Variants in TRPM3 observed in about 807,000 individuals in gnomAD.
TRPM3 encodes long transient receptor potential channel 3.
In TRPM3, 77 loss-of-function variants were observed where a neutral mutation model predicts 181.2. The observed-to-expected ratio is 0.42, with a 90% CI of 0.35 to 0.51. The LOEUF (loss-of-function observed/expected upper bound fraction) is 0.51, where lower values mean the gene tolerates loss of function less well. TRPM3 is among the 20% of genes least tolerant of loss of function. The pLI, the probability that TRPM3 is intolerant of heterozygous loss-of-function variation, is 0.01. For synonymous variants in TRPM3, 745 were observed against 796.4 expected (o/e 0.94, Z 1.09); for missense variants, 1,759 against 2,196.7 (o/e 0.80, Z 3.98).
intron 1 of TRPM3, among the ~76,000 whole-genome samples, chr9:71,442,170 C>T (rs1342671965): frequency 6.6e-6 from 1 of 152,194 alleles, no homozygotes; most frequent in South Asian, 2.1e-4. Flanking sequence ...TGTTTCCATA[C>T]ACTCTCTCAG....
At chr9:71,218,563 T>C (rs952296513) in intron 1 of TRPM3, among the ~76,000 whole-genome samples, 1 of 152,184 alleles carries the variant, frequency 6.6e-6, no homozygotes, top group African/African-American at 2.4e-5. Context: ...TTTTCCATTA[T>C]AGACATTGCA....
chr9:71,023,479 A>T (rs1425298112), intron 1 of TRPM3, among the ~76,000 whole-genome samples: 1 of 152,214 alleles, frequency 6.6e-6, no homozygotes, highest in African/African-American at 2.4e-5. Flanking sequence ...TTGCATTACT[A>T]GGTCCTTATC....
At chr9:70,898,271 C>T (rs556472211) in intron 1 of TRPM3, among the ~76,000 whole-genome samples, 16 of 151,186 alleles carry the variant, frequency 1.1e-4, no homozygotes, top group African/African-American at 3.1e-4. Context: ...TACAGGCGCC[C>T]GCCACTACGC....
chr9:71,304,374 G>A (rs116448308), intron 1 of TRPM3, among the ~76,000 whole-genome samples: 68 of 152,258 alleles, frequency 4.5e-4, no homozygotes, highest in African/African-American at 1.6e-3. Flanking sequence ...CCGACGGAAG[G>A]CAGTGTTCCA....
chr9:71,007,414 T>A (rs1403551163), intron 1 of TRPM3, among the ~76,000 whole-genome samples: 1 of 152,106 alleles, frequency 6.6e-6, no homozygotes, highest in Non-Finnish European at 1.5e-5. Flanking sequence ...CATACATTTT[T>A]CCATTTTTTC....
chr9:71,103,922 T>TC lies in TRPM3; in HGVS notation c.177+17255_177+17256insG, dbSNP rs200421946. Among the ~76,000 whole-genome samples, 755 of 151,800 alleles carry TC rather than the reference T, an allele frequency of 5.0e-3. 19 individuals carry two copies. In the East Asian group the frequency reaches 0.078, roughly 16 times the overall value. On this transcript the variant is annotated intron_variant, in intron 1 of 25. Transcript: ENST00000677713. ...TGATCTGACCCATGCAGCAATCCTT[T>TC]TTTTTTTTTTGAGACAGAGTCTCGT...
intron 1 of TRPM3, among the ~76,000 whole-genome samples, chr9:71,361,555 G>A (rs898914213): frequency 1.3e-5 from 2 of 152,140 alleles, no homozygotes; most frequent in African/African-American, 2.4e-5. Flanking sequence ...CATATGAAGG[G>A]CTCAGGTATG....
chr9:70,623,223 G>C (rs1297591219), intron 14 of TRPM3, among the ~76,000 whole-genome samples: 3 of 152,064 alleles, frequency 2.0e-5, no homozygotes, highest in African/African-American at 4.8e-5. Context: ...AAAAATAGCT[G>C]AGTGTAGTCG....
chr9:71,057,567 T>C (rs537184004), intron 1 of TRPM3, among the ~76,000 whole-genome samples: 17 of 152,198 alleles, frequency 1.1e-4, no homozygotes, highest in Non-Finnish European at 2.4e-4. Flanking sequence ...AGAGTGCCTA[T>C]GATGTGTCTG....
At chr9:70,646,558 G>C (rs915622598) in intron 9 of TRPM3, among the ~76,000 whole-genome samples, 3 of 152,100 alleles carry the variant, frequency 2.0e-5, no homozygotes, top group African/African-American at 7.2e-5. Context: ...TCACACGCCA[G>C]GGCCTGTTAG....
intron 1 of TRPM3, among the ~76,000 whole-genome samples, chr9:71,094,685 T>C (rs1446314835): frequency 6.6e-6 from 1 of 151,986 alleles, no homozygotes; most frequent in Admixed American, 6.6e-5. Context: ...TATAAGTCTG[T>C]TGGGAGAATT....
At chr9:71,116,979 C>T (rs1040755059) in intron 1 of TRPM3, among the ~76,000 whole-genome samples, 10 of 152,070 alleles carry the variant, frequency 6.6e-5, no homozygotes, top group Non-Finnish European at 1.0e-4. Context: ...CTTTCTAGCC[C>T]GGGAAAGAGG....
At chr9:70,787,763 C>CTTTTTTTTTTTTTTTTTTTTTGTTTTT (rs2084071076) in intron 6 of TRPM3, among the ~76,000 whole-genome samples, 1 of 68,558 alleles carries the variant, frequency 1.5e-5, no homozygotes, top group African/African-American at 5.8e-5. Context: ...TTTTTGGATT[C>CTTTTTTTTTTTTTTTTTTTTTGTTTTT]TTTTTTTTTT....
intron 1 of TRPM3, among the ~76,000 whole-genome samples, chr9:71,291,681 G>T (rs547892747): frequency 1.9e-4 from 29 of 151,822 alleles, no homozygotes; most frequent in African/African-American, 6.8e-4. Context: ...CCCTACAAAA[G>T]AAAAAATAAT....
At chr9:70,852,838 T>G (rs1257331469) in intron 3 of TRPM3, among the ~76,000 whole-genome samples, 1 of 152,204 alleles carries the variant, frequency 6.6e-6, no homozygotes, top group Non-Finnish European at 1.5e-5. Flanking sequence ...CTCTCCCCTT[T>G]CATCTACAGA....
chr9:71,233,331 C>T (rs2081182544), intron 1 of TRPM3, among the ~76,000 whole-genome samples: 1 of 152,294 alleles, frequency 6.6e-6, no homozygotes, highest in South Asian at 2.1e-4. Flanking sequence ...ACTCACTTGT[C>T]TCCAAATTAC....
At chr9:70,697,380 T>A (rs1377197372) in intron 8 of TRPM3, among the ~76,000 whole-genome samples, 1 of 152,232 alleles carries the variant, frequency 6.6e-6, no homozygotes, top group Non-Finnish European at 1.5e-5. Flanking sequence ...TTTATCAGCT[T>A]TATTATCACT....
At chr9:71,264,881 C>T (rs1405163024) in intron 1 of TRPM3, among the ~76,000 whole-genome samples, 1 of 152,090 alleles carries the variant, frequency 6.6e-6, no homozygotes, top group Non-Finnish European at 1.5e-5. Flanking sequence ...GCATTTCTAT[C>T]CTAAAATATA....
intron 20 of TRPM3, among the ~76,000 whole-genome samples, chr9:70,602,403 C>T (rs1481734300): frequency 4.0e-5 from 6 of 151,788 alleles, no homozygotes; most frequent in Admixed American, 3.9e-4. Context: ...GTCCTTTTTT[C>T]CTATGGTGCC....
Sources: allele counts gnomAD v4.1 joint callset (sites outside exome capture counted in the v4.1 genomes callset), GRCh38; gene constraint gnomAD v4.1.1; transcripts MANE v1.5; gene names NCBI Gene and HGNC (gene_info 2026-07-23, HGNC 2026-07-21).